TMEM131: variants seen among roughly 807,000 people sequenced by gnomAD.
TMEM131 encodes transmembrane protein 131.
Under a neutral mutation model 211.6 loss-of-function variants are expected in TMEM131, and 66 were observed. The observed-to-expected ratio is 0.31, with a 90% CI of 0.26 to 0.38. TMEM131 has a LOEUF of 0.38. Among genes scored for constraint, TMEM131 ranks in the 10% least tolerant of loss-of-function variants. The probability of loss-of-function intolerance (pLI) is 1.00; values close to 1 mark genes in which losing one functional copy is unlikely to be tolerated. For missense variants in TMEM131, 2,036 were observed against 2,299.3 expected (o/e 0.89, Z 2.34); for synonymous variants, 844 against 841.3 (o/e 1.00, Z -0.06).
chr2:97,924,288 C>T (rs1676884350), intron 2 of TMEM131, among the ~76,000 whole-genome samples: 1 of 152,140 alleles, frequency 6.6e-6, no homozygotes, highest in Non-Finnish European at 1.5e-5. Flanking sequence ...GAGTCTGAGG[C>T]GAGAGGTTCA....
chr2:97,801,924 T>C lies in TMEM131; in HGVS notation c.2689A>G (p.Thr897Ala). Residue 897 changes from threonine to alanine, a missense_variant, in exon 25 of 41, where the codon ACA (threonine) becomes GCA (alanine). Physicochemically the swap from Thr to Ala is moderately conservative, Grantham distance 58. This residue lies in a region of TMEM131 where 1,623 missense variants were observed against 1,805.9 expected (regional missense o/e 0.90). Coordinates refer to ENST00000186436, the MANE Select transcript of TMEM131 (RefSeq NM_015348.2). ...TTTCTGAAGACTTGAAATTCTAGTGTTCTCAAATCTATCTTTGCCACCTTA... is the reference window on the plus strand; with the variant it reads ...TTTCTGAAGACTTGAAATTCTAGTGCTCTCAAATCTATCTTTGCCACCTTA... ...LSKVAKIDLR[T>A]LEFQVFRNSA... 6.2e-7 allele frequency: 1 copy of C among 1,608,324 alleles called. No homozygotes were observed. The highest frequency in any genetic ancestry group is 8.5e-7 in the Non-Finnish European group (1 of 1,177,396).
At chr2:97,906,173 C>T (rs1452485370) in intron 3 of TMEM131, among the ~76,000 whole-genome samples, 2 of 152,052 alleles carry the variant, frequency 1.3e-5, no homozygotes, top group African/African-American at 2.4e-5. Flanking sequence ...GTCTGCAAGC[C>T]CTTGATCCTA....
At chr2:97,805,284 A>G (rs1413030795) in intron 21 of TMEM131, 79 bp from the exon 22 acceptor site, 4 of 1,559,494 alleles carry the variant, frequency 2.6e-6, no homozygotes, top group East Asian at 2.3e-5. Flanking sequence ...TAGTAACAAA[A>G]GACAGCAATG....
At chr2:97,957,922 C>T (rs570387778) in intron 1 of TMEM131, among the ~76,000 whole-genome samples, 5 of 152,248 alleles carry the variant, frequency 3.3e-5, no homozygotes, top group South Asian at 2.1e-4. Context: ...GGAACTCATA[C>T]ACTGAGATGA....
intron 1 of TMEM131, among the ~76,000 whole-genome samples, chr2:97,994,114 C>G (rs1196359544): frequency 6.6e-6 from 1 of 152,192 alleles, no homozygotes; most frequent in Non-Finnish European, 1.5e-5. Flanking sequence ...AATTACTGCA[C>G]TATTTTGGGT....
At chr2:97,947,864 T>G (rs1295793962) in intron 1 of TMEM131, among the ~76,000 whole-genome samples, 1 of 152,062 alleles carries the variant, frequency 6.6e-6, no homozygotes, top group African/African-American at 2.4e-5. Flanking sequence ...GAACAGAGAC[T>G]CCAAAAGTAG....
intron 40 of TMEM131, among the ~76,000 whole-genome samples, chr2:97,758,251 T>C (rs1180807708): frequency 1.3e-5 from 2 of 152,222 alleles, no homozygotes; most frequent in East Asian, 3.8e-4. Context: ...AGTTGAAATA[T>C]CTGTTATAAA....
At chr2:97,886,282 T>A (rs1675153182) in intron 4 of TMEM131, among the ~76,000 whole-genome samples, 1 of 152,214 alleles carries the variant, frequency 6.6e-6, no homozygotes, top group African/African-American at 2.4e-5. Flanking sequence ...TTGGGGTCTG[T>A]TACTGAAGAA....
chr2:97,804,302 G>A (rs1681182093), intron 22 of TMEM131, among the ~76,000 whole-genome samples: 1 of 152,040 alleles, frequency 6.6e-6, no homozygotes, highest in African/African-American at 2.4e-5. Flanking sequence ...TTTCCTACCT[G>A]CCAAAGAAAC....
intron 31 of TMEM131, among the ~76,000 whole-genome samples, chr2:97,784,525 T>C (rs1350172297): frequency 6.6e-6 from 1 of 151,452 alleles, no homozygotes; most frequent in Admixed American, 6.6e-5. Flanking sequence ...TCACAGAAAG[T>C]CTCAAAAGAA....
At chr2:97,861,785 T>C (rs1674079126) in intron 4 of TMEM131, among the ~76,000 whole-genome samples, 2 of 152,164 alleles carry the variant, frequency 1.3e-5, no homozygotes, top group African/African-American at 4.8e-5. Flanking sequence ...CAGACCCACC[T>C]GGGACCTGGG....
At chr2:97,781,970 G>A (rs1258747930) in intron 31 of TMEM131, among the ~76,000 whole-genome samples, 2 of 152,224 alleles carry the variant, frequency 1.3e-5, no homozygotes, top group Non-Finnish European at 2.9e-5. Flanking sequence ...GCCAAAGTGG[G>A]AGCCAAGACT....
chr2:97,849,266 T>A (rs1317484395), intron 5 of TMEM131, among the ~76,000 whole-genome samples: 3 of 152,124 alleles, frequency 2.0e-5, no homozygotes, highest in Non-Finnish European at 4.4e-5. Flanking sequence ...AGGTAAATAT[T>A]TACAGTGAGT....
In TMEM131 at chr2:97,760,837, T is replaced by C. The variant is rs769658134; in HGVS notation, c.4967A>G (p.Asn1656Ser). 1.9e-6 allele frequency: 3 copies of C among 1,613,854 alleles called. No homozygotes were observed. Among genetic ancestry groups the C allele is most frequent in the African/African-American group, 1.3e-5 (1 of 74,910 alleles). Residue 1656 changes from asparagine to serine, a missense_variant, in exon 37 of 41, where the codon AAC becomes AGC. Coordinates refer to ENST00000186436, the MANE Select transcript of TMEM131 (RefSeq NM_015348.2). ...KAASLPGKNG[N>S]PTFAAVTAGY... Reference sequence around the variant, plus strand: ...AGCCGTGACTGCAGCAAAAGTGGGGTTGCCGTTCTTGCCCGGGAGCGAGGC... The same window carrying C: ...AGCCGTGACTGCAGCAAAAGTGGGGCTGCCGTTCTTGCCCGGGAGCGAGGC...
chr2:97,935,321 G>T (rs1382908147), intron 1 of TMEM131, among the ~76,000 whole-genome samples: 1 of 152,114 alleles, frequency 6.6e-6, no homozygotes, highest in Non-Finnish European at 1.5e-5. Flanking sequence ...AGTATTCTTT[G>T]TCAAGATATT....
intron 4 of TMEM131, among the ~76,000 whole-genome samples, chr2:97,869,094 T>C (rs1172844410): frequency 6.6e-6 from 1 of 152,242 alleles, no homozygotes; most frequent in African/African-American, 2.4e-5. Flanking sequence ...ACCAACTGTA[T>C]GCTTTCTTAA....
intron 2 of TMEM131, among the ~76,000 whole-genome samples, chr2:97,911,294 G>A (rs1559442154): frequency 6.6e-6 from 1 of 152,142 alleles, no homozygotes; most frequent in Non-Finnish European, 1.5e-5. Flanking sequence ...TAAAGATAAG[G>A]AGCGTAAAGG....
chr2:97,973,523 G>A (rs1283797750), intron 1 of TMEM131, among the ~76,000 whole-genome samples: 2 of 152,160 alleles, frequency 1.3e-5, no homozygotes, highest in African/African-American at 4.8e-5. Flanking sequence ...GGCAATTAGA[G>A]TTCATAGAAA....
chr2:97,896,546 G>A (rs57836517), intron 3 of TMEM131, among the ~76,000 whole-genome samples: 5,298 of 152,170 alleles, frequency 0.035, 296 homozygotes, highest in African/African-American at 0.11. Context: ...GGGTGCTCCT[G>A]TATTGGGTGC....
Sources: gnomAD v4.1 joint callset for allele counts (sites outside exome capture counted in the v4.1 genomes callset) on GRCh38, gnomAD v4.1.1 for gene constraint, gnomAD v4.1.1 regional missense constraint, MANE v1.5 for transcripts, NCBI Gene and HGNC (gene_info 2026-07-23, HGNC 2026-07-21) for gene names.